Variants in PREX1 observed in about 807,000 individuals in gnomAD.
The protein encoded by PREX1 is phosphatidylinositol-3,4,5-trisphosphate dependent Rac exchange factor 1, also known as phosphatidylinositol 3,4,5-trisphosphate-dependent Rac exchanger 1 protein.
Under a neutral mutation model 198.3 loss-of-function variants are expected in PREX1, and 41 were observed. That is an observed-to-expected ratio of 0.21 (90% confidence interval 0.16 to 0.27). The LOEUF (loss-of-function observed/expected upper bound fraction) is 0.27, where lower values mean the gene tolerates loss of function less well. Among genes scored for constraint, PREX1 ranks in the 10% least tolerant of loss-of-function variants. The probability of loss-of-function intolerance (pLI) is 1.00; values close to 1 mark genes in which losing one functional copy is unlikely to be tolerated. For missense variants in PREX1, 1,620 were observed against 2,200.7 expected (o/e 0.74, Z 5.28); for synonymous variants, 843 against 887.2 (o/e 0.95, Z 0.89).
chr20:48,755,210 A>G (rs2090151452), intron 1 of PREX1, among the ~76,000 whole-genome samples: 2 of 152,244 alleles, frequency 1.3e-5, no homozygotes, highest in South Asian at 4.1e-4. Flanking sequence ...GTTACAAACA[A>G]GTACATAAAA....
chr20:48,649,204 C>G (rs2089472990), intron 25 of PREX1, 96 bp downstream of exon 25: 1 of 1,507,964 alleles, frequency 6.6e-7, no homozygotes. Context: ...CAGCCCACCC[C>G]CCACTACAAA....
At chr20:48,773,171 G>A (rs926423017) in intron 1 of PREX1, among the ~76,000 whole-genome samples, 1 of 150,890 alleles carries the variant, frequency 6.6e-6, no homozygotes, top group Non-Finnish European at 1.5e-5. Flanking sequence ...GGAGGCTGAG[G>A]CAGGAGAATC....
intron 24 of PREX1, 35 bp downstream of exon 24, chr20:48,649,961 T>G (rs776927078): frequency 4.4e-6 from 7 of 1,606,474 alleles, no homozygotes; most frequent in Non-Finnish European, 6.0e-6. Flanking sequence ...GAGTGCAACA[T>G]CTGAACACAG....
chr20:48,632,827 A>T (rs1460494240), intron 33 of PREX1, among the ~76,000 whole-genome samples, 188 bp from the exon 34 acceptor site: 1 of 152,162 alleles, frequency 6.6e-6, no homozygotes, highest in Non-Finnish European at 1.5e-5. Flanking sequence ...CTCTAGGGAC[A>T]GCCTCCAGCA....
Position 48,625,868 on chromosome 20 carries a change from G to C in PREX1, c.*17C>G, listed in dbSNP as rs373030816. On this transcript the variant is annotated 3_prime_UTR_variant, in exon 40 of 40. Coordinates refer to ENST00000371941, the MANE Select transcript of PREX1 (RefSeq NM_020820.4). ...CCAGCTCCAGAGGCCGCGGCCCAGCGTGGGGCATTTGGGTGTTCAGAGGTC... is the reference window on the plus strand; with the variant it reads ...CCAGCTCCAGAGGCCGCGGCCCAGCCTGGGGCATTTGGGTGTTCAGAGGTC... 2 of 1,559,084 alleles carry C rather than the reference G, an allele frequency of 1.3e-6. No individual in the cohort carries two copies. The highest frequency in any genetic ancestry group is 1.7e-6 in the Non-Finnish European group (2 of 1,152,252).
chr20:48,650,812 G>A (rs916168266), intron 23 of PREX1, 82 bp downstream of exon 23: 19 of 1,527,062 alleles, frequency 1.2e-5, no homozygotes, highest in Non-Finnish European at 1.6e-5. Context: ...GTTGGGCTTT[G>A]TAATTTACAA....
At chr20:48,820,845 A>G (rs2090481373) in intron 1 of PREX1, among the ~76,000 whole-genome samples, 1 of 152,206 alleles carries the variant, frequency 6.6e-6, no homozygotes, top group South Asian at 2.1e-4. Flanking sequence ...AGGCTGAGAG[A>G]CTAGTGGGAT....
chr20:48,719,307 C>T (rs1006583699), intron 5 of PREX1, among the ~76,000 whole-genome samples: 2 of 152,178 alleles, frequency 1.3e-5, no homozygotes, highest in Non-Finnish European at 1.5e-5. Flanking sequence ...GGCAGGACCC[C>T]CCCCCCAACT....
chr20:48,869,984 C>G, the PREX1 span, among the ~76,000 whole-genome samples: 1 of 152,172 alleles, frequency 6.6e-6, no homozygotes, highest in Non-Finnish European at 1.5e-5. Context: ...AAACTCTGCA[C>G]ATGTATCCCA....
At chr20:48,807,629 C>T (rs1429484622) in intron 1 of PREX1, among the ~76,000 whole-genome samples, 1 of 151,770 alleles carries the variant, frequency 6.6e-6, no homozygotes, top group Admixed American at 6.6e-5. Context: ...CAAAGGGTAT[C>T]GTGGGTTTTT....
At chr20:48,660,085 C>T (rs778398643) in intron 15 of PREX1, 24 bp from the exon 16 acceptor site, 2 of 1,608,340 alleles carry the variant, frequency 1.2e-6, no homozygotes, top group South Asian at 2.2e-5. Flanking sequence ...GATGTGCACT[C>T]AGTGGTCAGA....
chr20:48,632,547 G>T lies in PREX1; in HGVS notation c.4360C>A (p.Arg1454Ser). The T allele has an allele frequency of 6.2e-7, 1 of 1,613,976 alleles. No individual in the cohort carries two copies. The highest frequency in any genetic ancestry group is 8.5e-7 in the Non-Finnish European group (1 of 1,179,910). The change falls in exon 34 of 40, where the codon CGC (arginine) becomes AGC (serine). Residue 1454 changes from arginine (R) to serine (S), a missense_variant. Physicochemically the swap from Arg to Ser is moderately radical, Grantham distance 110 (BLOSUM62 -1). Around this residue, in one of 7 missense-constraint regions of PREX1, gnomAD observed 476 missense variants for 603.4 expected, o/e 0.79. Coordinates refer to ENST00000371941, the MANE Select transcript of PREX1 (RefSeq NM_020820.4). ...DSYHFSKLPS[R>S]LEGGASLRLH... is the part of the protein sequence containing the mutation. The stretch of plus-strand genomic sequence containing the variant: ...CTCAGGCTGGCCCCACCCTCCAGGC[G>T]GGAGGGCAGCTTGGAGAAGTGGTAG...
chr20:48,728,573 G>A (rs547528366), intron 4 of PREX1, among the ~76,000 whole-genome samples: 14 of 152,324 alleles, frequency 9.2e-5, no homozygotes, highest in African/African-American at 2.6e-4. Flanking sequence ...GGGAGATGCC[G>A]GGCCCCACGC....
In PREX1 at chr20:48,639,750, C is replaced by G. The variant is rs755433434; in HGVS notation, c.3904+16G>C. 2.0e-5 allele frequency: 32 copies of G among 1,613,068 alleles called. No individual in the cohort carries two copies. Among genetic ancestry groups the G allele is most frequent in the Non-Finnish European group, 2.7e-5 (32 of 1,179,530 alleles). On this transcript the variant is annotated intron_variant, in intron 30 of 39. Coordinates refer to ENST00000371941, the MANE Select transcript of PREX1 (RefSeq NM_020820.4). ...GGCCCCCTCCCCACCATGATGCACC[C>G]TCCCTGCCCACCGACCTTCCACATA...
At chr20:48,854,128 C>T in the PREX1 span, among the ~76,000 whole-genome samples, 7 of 152,184 alleles carry the variant, frequency 4.6e-5, no homozygotes, top group Admixed American at 1.3e-4. Context: ...CTGAGTCACA[C>T]GCAGGCCGAG....
chr20:48,629,813 C>T (rs779221397), intron 36 of PREX1, among the ~76,000 whole-genome samples, 192 bp from the exon 37 acceptor site: 2 of 152,142 alleles, frequency 1.3e-5, no homozygotes, highest in Non-Finnish European at 2.9e-5. Flanking sequence ...CTCTGTGGCT[C>T]CCCACTGCCC....
intron 1 of PREX1, among the ~76,000 whole-genome samples, chr20:48,769,565 A>G (rs1304272705): frequency 6.6e-6 from 1 of 152,002 alleles, no homozygotes; most frequent in African/African-American, 2.4e-5. Flanking sequence ...CTCACCTCCT[A>G]CGCAACTCCC....
chr20:48,635,964 G>A lies in PREX1; in HGVS notation c.4167+499C>T, dbSNP rs12480093. ...CAGGCAGGCGTCTTGTGCAGCAGCA[G>A]CCAGCAGAGGGCGCTCCAAGGCCAG... On this transcript the variant is annotated intron_variant, in intron 32 of 39. Coordinates refer to ENST00000371941, the MANE Select transcript of PREX1 (RefSeq NM_020820.4). 8.4e-3 allele frequency among the ~76,000 whole-genome samples: 1,282 copies of A among 152,288 alleles called. 36 individuals are homozygous for A. The highest frequency in any genetic ancestry group is 0.062 in the East Asian group (322 of 5,162).
intron 3 of PREX1, among the ~76,000 whole-genome samples, chr20:48,737,922 T>G (rs2090064175): frequency 6.6e-6 from 1 of 152,230 alleles, no homozygotes; most frequent in African/African-American, 2.4e-5. Flanking sequence ...CCTACACTCC[T>G]GAACAATTTC....
Sources: allele counts gnomAD v4.1 joint callset (sites outside exome capture counted in the v4.1 genomes callset), GRCh38; gene constraint gnomAD v4.1.1; regional missense constraint gnomAD v4.1.1; transcripts MANE v1.5; gene names NCBI Gene and HGNC (gene_info 2026-07-23, HGNC 2026-07-21).